FARP1: variants seen among roughly 807,000 people sequenced by gnomAD.
FARP1 encodes FERM, ARHGEF and pleckstrin domain-containing protein 1.
A neutral mutation model predicts 128.8 loss-of-function variants in FARP1; 52 were observed. That is an observed-to-expected ratio of 0.40 (90% CI 0.32 to 0.51). FARP1 has a LOEUF of 0.51. Ranked by LOEUF, FARP1 falls within the 20% of genes least tolerant of loss-of-function variation. FARP1 has a pLI of 0.45. For missense variants in FARP1, 1,333 were observed against 1,367.9 expected, an observed-to-expected ratio of 0.97 and a Z score of 0.40; for synonymous variants, 580 against 551.8, an observed-to-expected ratio of 1.05 and a Z score of -0.72.
At chr13:98,335,378 G>C (rs1887696744) in intron 2 of FARP1, among the ~76,000 whole-genome samples, 1 of 152,170 alleles carries the variant, frequency 6.6e-6, no homozygotes, top group African/African-American at 2.4e-5. Context: ...CAGGCAAAGA[G>C]AGAGCTTGTG....
intron 1 of FARP1, among the ~76,000 whole-genome samples, chr13:98,143,793 G>C (rs1875273550): frequency 1.3e-5 from 2 of 151,428 alleles, no homozygotes; most frequent in Non-Finnish European, 2.9e-5. Context: ...GTCCCCGCTC[G>C]CCTCCCCCGA....
chr13:98,236,724 T>C (rs1882441664), intron 2 of FARP1, among the ~76,000 whole-genome samples: 2 of 150,946 alleles, frequency 1.3e-5, no homozygotes, highest in Non-Finnish European at 3.0e-5. Context: ...GCGTGGTGGC[T>C]CACGCCTGTA....
intron 2 of FARP1, among the ~76,000 whole-genome samples, chr13:98,284,197 T>C (rs1383637208): frequency 6.6e-6 from 1 of 152,064 alleles, no homozygotes; most frequent in Admixed American, 6.5e-5. Flanking sequence ...TTTTTTTTCC[T>C]CATCAGCTAT....
At chr13:98,156,352 A>G (rs1204404950) in intron 1 of FARP1, among the ~76,000 whole-genome samples, 26 of 152,254 alleles carry the variant, frequency 1.7e-4, no homozygotes, top group Admixed American at 3.3e-4. Context: ...AGATAAACAT[A>G]TTAAGTTATA....
intron 1 of FARP1, among the ~76,000 whole-genome samples, chr13:98,167,432 C>G (rs1236110035): frequency 2.4e-5 from 3 of 125,306 alleles, no homozygotes; most frequent in East Asian, 2.3e-4. Flanking sequence ...TGGAAACAGT[C>G]TCACTCTCAC....
chr13:98,144,373 C>G (rs1875349836), intron 1 of FARP1, among the ~76,000 whole-genome samples: 1 of 152,170 alleles, frequency 6.6e-6, no homozygotes, highest in Non-Finnish European at 1.5e-5. Context: ...GCCCTGGTAT[C>G]TGATCAGTTC....
At chr13:98,359,718 G>C (rs747338480) in intron 3 of FARP1, among the ~76,000 whole-genome samples, 3 of 152,180 alleles carry the variant, frequency 2.0e-5, no homozygotes, top group Non-Finnish European at 4.4e-5. Flanking sequence ...CACAGTAAGC[G>C]GTTGTGCAGG....
At chr13:98,412,095 T>C (rs2140120921) in intron 16 of FARP1, 61 bp downstream of exon 16, 1 of 1,547,512 alleles carries the variant, frequency 6.5e-7, no homozygotes, top group Admixed American at 1.7e-5. Flanking sequence ...GTTATTTTTA[T>C]GTCGTCCCTG....
intron 2 of FARP1, among the ~76,000 whole-genome samples, chr13:98,338,117 T>A (rs1309259000): frequency 6.6e-6 from 1 of 152,350 alleles, no homozygotes; most frequent in South Asian, 2.1e-4. Context: ...CTGCATTTTT[T>A]AAATTGTGGT....
chr13:98,171,372 C>A (rs1428844031), intron 1 of FARP1, among the ~76,000 whole-genome samples: 1 of 152,178 alleles, frequency 6.6e-6, no homozygotes, highest in African/African-American at 2.4e-5. Context: ...CGCCCTTCCC[C>A]CTCCCATTCA....
intron 1 of FARP1, among the ~76,000 whole-genome samples, chr13:98,175,228 G>C (rs1877920251): frequency 6.6e-6 from 1 of 152,178 alleles, no homozygotes; most frequent in Admixed American, 6.6e-5. Context: ...CATAATCTGT[G>C]TCAGTTCCTT....
chr13:98,351,439 C>T (rs1486168705), intron 3 of FARP1, among the ~76,000 whole-genome samples: 8 of 151,956 alleles, frequency 5.3e-5, no homozygotes, highest in East Asian at 1.9e-4. Context: ...GGTGAAACCC[C>T]GTCTCTACTA....
chr13:98,185,977 C>T lies in FARP1; in HGVS notation c.-23-27243C>T, dbSNP rs191467885. Among the ~76,000 whole-genome samples, 90 of 152,180 alleles carry T rather than the reference C, an allele frequency of 5.9e-4. 1 individual carries two copies. The highest frequency in any genetic ancestry group is 1.8e-3 in the African/African-American group (75 of 41,528). On this transcript the variant is annotated intron_variant, in intron 1 of 26. Transcript: ENST00000319562. ...CCTCCCAAAGTGCTGAGATTATAGG[C>T]GTGAGCCACCGCGTCCGGCCACATT...
intron 2 of FARP1, among the ~76,000 whole-genome samples, chr13:98,251,104 CACAT>C (rs1883300864): frequency 6.6e-6 from 1 of 152,152 alleles, no homozygotes; most frequent in Admixed American, 6.5e-5. Context: ...ATGAATAAGG[CACAT>C]ACATGTGTGT....
At chr13:98,200,387 A>ACCCCCC (rs34861204) in intron 1 of FARP1, among the ~76,000 whole-genome samples, 64 of 127,604 alleles carry the variant, frequency 5.0e-4, no homozygotes, top group African/African-American at 6.1e-4. Context: ...TGCAACCTTC[A>ACCCCCC]CCCCCCCCCC....
intron 2 of FARP1, among the ~76,000 whole-genome samples, chr13:98,312,330 A>G (rs111290630): frequency 4.0e-4 from 61 of 151,940 alleles, no homozygotes; most frequent in African/African-American, 1.3e-3. Context: ...TAGTAGAGAC[A>G]GGGTTTCACC....
intron 3 of FARP1, among the ~76,000 whole-genome samples, chr13:98,358,218 C>T (rs1187794469): frequency 1.3e-5 from 2 of 151,854 alleles, no homozygotes; most frequent in Non-Finnish European, 2.9e-5. Context: ...CTGAACTCTC[C>T]CCTCCATCTC....
chr13:98,337,811 A>G (rs575768557), intron 2 of FARP1, among the ~76,000 whole-genome samples: 43 of 152,180 alleles, frequency 2.8e-4, no homozygotes, highest in Non-Finnish European at 5.6e-4. Context: ...CCCCAAATGC[A>G]TAATTTGCCA....
intron 8 of FARP1, among the ~76,000 whole-genome samples, chr13:98,386,363 T>TA (rs1890098963): frequency 6.6e-6 from 1 of 152,186 alleles, no homozygotes; most frequent in South Asian, 2.1e-4. Flanking sequence ...CTTGAATTCT[T>TA]ACTTGTATTC....
Sources: allele counts gnomAD v4.1 joint callset (sites outside exome capture counted in the v4.1 genomes callset), GRCh38; gene constraint gnomAD v4.1.1; transcripts MANE v1.5; gene names NCBI Gene and HGNC (gene_info 2026-07-23, HGNC 2026-07-21).